The following PRDM11 variants were observed in gnomAD, a reference collection of about 807,000 sequenced individuals.
The protein encoded by PRDM11 is PR/SET domain 11.
Under a neutral mutation model 97.8 loss-of-function variants are expected in PRDM11, and 20 were observed. The observed-to-expected ratio is 0.20, with a 90% CI of 0.14 to 0.30. The LOEUF is 0.30. PRDM11 is among the 10% of genes least tolerant of loss of function. The pLI is 1.00. For missense variants in PRDM11, 1,139 were observed against 1,555.2 expected (o/e 0.73, Z 4.50); for synonymous variants, 599 against 637.7 (o/e 0.94, Z 0.91).
chr11:45,217,458 G>T (rs936321032), intron 5 of PRDM11, among the ~76,000 whole-genome samples: 2 of 152,218 alleles, frequency 1.3e-5, no homozygotes, highest in South Asian at 2.1e-4. Flanking sequence ...CCTAGGACAA[G>T]ATGCAAATTC....
chr11:45,123,585 CATTT>C (rs1721785252), intron 1 of PRDM11, among the ~76,000 whole-genome samples: 1 of 152,148 alleles, frequency 6.6e-6, no homozygotes. Flanking sequence ...TTCCCAGCAT[CATTT>C]ATTAAATAGG....
chr11:45,187,743 T>C (rs1247857982), intron 4 of PRDM11, among the ~76,000 whole-genome samples: 3 of 151,426 alleles, frequency 2.0e-5, no homozygotes, highest in Non-Finnish European at 2.9e-5. Flanking sequence ...ACCCAAGAGG[T>C]GAGAGACATT....
chr11:45,195,165 T>C (rs1319050384), intron 4 of PRDM11, among the ~76,000 whole-genome samples: 1 of 152,206 alleles, frequency 6.6e-6, no homozygotes, highest in Non-Finnish European at 1.5e-5. Flanking sequence ...CCTTGTTTGA[T>C]TGGTAACAAT....
Position 45,122,389 on chromosome 11 carries a change from T to C in PRDM11, c.96+26488T>C, listed in dbSNP as rs551497980. On this transcript the variant is annotated intron_variant, in intron 1 of 6. Coordinates refer to the PRDM11 transcript ENST00000530656. ...GAAGGTTTGTTACACATGTATACCA[T>C]GTATACATGTATACATGGTATACAT... Among the ~76,000 whole-genome samples the C allele has an allele frequency of 3.3e-5, 5 of 152,002 alleles. No homozygotes were observed. The East Asian group carries it at 5.8e-4, about 18-fold the overall frequency.
chr11:45,130,246 T>C (rs1321185582), intron 1 of PRDM11, among the ~76,000 whole-genome samples: 3 of 152,128 alleles, frequency 2.0e-5, no homozygotes, highest in African/African-American at 7.2e-5. Context: ...ACCAAAGCCA[T>C]TACCCATAAA....
upstream of PRDM11, among the ~76,000 whole-genome samples, chr11:45,094,927 A>G (rs1280233639): frequency 1.3e-5 from 2 of 149,650 alleles, no homozygotes; most frequent in Non-Finnish European, 3.0e-5. Flanking sequence ...GAAGGAAGGG[A>G]GGGAGATGAG....
intron 1 of PRDM11, among the ~76,000 whole-genome samples, chr11:45,133,007 T>C (rs1454935632): frequency 6.6e-6 from 1 of 152,150 alleles, no homozygotes; most frequent in Non-Finnish European, 1.5e-5. Flanking sequence ...CAAATTAAAG[T>C]AAAAGTCCTC....
intron 4 of PRDM11, among the ~76,000 whole-genome samples, chr11:45,196,948 C>T (rs1853143409): frequency 6.6e-6 from 1 of 152,168 alleles, no homozygotes; most frequent in South Asian, 2.1e-4. Context: ...GGAACACACC[C>T]CTATGAGTTG....
At chr11:45,129,373 C>T (rs1481971184) in intron 1 of PRDM11, among the ~76,000 whole-genome samples, 3 of 152,100 alleles carry the variant, frequency 2.0e-5, no homozygotes, top group Non-Finnish European at 4.4e-5. Context: ...TGCTCACATA[C>T]ATGGTGATGT....
chr11:45,095,899 AAAGT>A lies in PRDM11; in HGVS notation c.96+3_96+6del. ...ACCTCTCTTCCTTTACCAGAGAGAG[AAAGT>A]AAGTTGTTTAAGCTGCTAATGTGGG... On this transcript the variant is annotated splice_donor_variant and coding_sequence_variant, in exon 1 of 7. Coordinates refer to the PRDM11 transcript ENST00000530656. LOFTEE classifies it high-confidence loss of function. 1.3e-6 allele frequency: 1 copy of A among 781,008 alleles called. No individual in the cohort carries two copies. The highest frequency in any genetic ancestry group is 1.3e-5 in the South Asian group (1 of 74,610). 48.4% of individuals were successfully genotyped at this position (781,008 alleles called of 1,614,324 possible).
At chr11:45,095,919 C>A (rs375859951) in intron 1 of PRDM11, 1 of 780,436 alleles carries the variant, frequency 1.3e-6, no homozygotes. Context: ...GTTTAAGCTG[C>A]TAATGTGGGG....
Position 45,227,749 on chromosome 11 carries a change from C to G in PRDM11, c.3124C>G (p.Arg1042Gly), listed in dbSNP as rs1226468127. The G allele has an allele frequency of 2.6e-6, 4 of 1,533,798 alleles. No individual in the cohort carries two copies. In the Admixed American group the frequency reaches 5.9e-5, roughly 23 times the overall value. ...CCGGGGTAGTCTGTTGATGGAGTGG[C>G]GAGAACTCAAGGCTGATTACTACAC... ...DPRGSLLMEW[R>G]ELKADYYTKN... is the part of the protein sequence containing the mutation. Residue 1042 changes from arginine to glycine, a missense_variant, in exon 8 of 8, where the codon CGA becomes GGA. By Grantham distance (125) the Arg-to-Gly change is moderately radical. This residue lies in a region of PRDM11 where 710 missense variants were observed against 1,044.9 expected (regional missense o/e 0.68). Coordinates refer to ENST00000683152, the MANE Select transcript of PRDM11 (RefSeq NM_001384648.1). The surrounding 1 kb of genome is among the most constrained non-coding windows in gnomAD (Gnocchi z 8.0).
chr11:45,227,725 C>T lies in PRDM11; in HGVS notation c.3100C>T (p.Arg1034Trp). ...RDVCREGLDP[R>W]GSLLMEWREL... Reference sequence around the variant, plus strand: ...TGTCTGTAGGGAAGGGCTGGACCCCCGGGGTAGTCTGTTGATGGAGTGGCG... The same window carrying T: ...TGTCTGTAGGGAAGGGCTGGACCCCTGGGGTAGTCTGTTGATGGAGTGGCG... The change falls in exon 8 of 8, where the codon CGG becomes TGG. Residue 1034 changes from arginine (R) to tryptophan (W), a missense_variant. Physicochemically the swap from Arg to Trp is moderately radical, Grantham distance 101. Transcript: ENST00000683152. This position sits in a 1 kb window ranked among gnomAD's most constrained non-coding sequence, Gnocchi z 8.0. 1.3e-6 allele frequency: 2 copies of T among 1,533,878 alleles called. No homozygotes were observed. Among genetic ancestry groups the T allele is most frequent in the East Asian group, 2.4e-5 (1 of 40,908 alleles).
At chr11:45,168,844 T>G (rs548769518) in intron 1 of PRDM11, among the ~76,000 whole-genome samples, 2 of 152,358 alleles carry the variant, frequency 1.3e-5, no homozygotes, top group East Asian at 3.9e-4. Flanking sequence ...CAGCCGCCAC[T>G]TTGCCATCTG....
chr11:45,177,413 A>G (rs1037063058), intron 1 of PRDM11, among the ~76,000 whole-genome samples: 17 of 152,188 alleles, frequency 1.1e-4, no homozygotes, highest in Non-Finnish European at 1.9e-4. Context: ...TCTTCAGAAA[A>G]GGCAACAGGG....
rs985809681 is a variant in PRDM11, at chr11:45,227,362, G to A, written c.2737G>A (p.Glu913Lys). ...GGTGTCCCAGGTGGATGACAAGATC[G>A]AGGAGGCCATCCAGGAGATCAGCCG... ...LLVSQVDDKIEEAIQEISRLA... is the reference protein window; with the variant it reads ...LLVSQVDDKIKEAIQEISRLA... Residue 913 changes from glutamate (E) to lysine (K), a missense_variant, in exon 8 of 8, where the codon GAG (glutamate) becomes AAG (lysine). Glu to Lys is a moderately conservative substitution (Grantham distance 56). Coordinates refer to ENST00000683152, the MANE Select transcript of PRDM11 (RefSeq NM_001384648.1). This position sits in a 1 kb window ranked among gnomAD's most constrained non-coding sequence, Gnocchi z 8.0. 4.6e-6 allele frequency: 7 copies of A among 1,533,832 alleles called. No individual in the cohort carries two copies. The highest frequency in any genetic ancestry group is 2.7e-5 in the African/African-American group (2 of 72,974).
chr11:45,192,731 T>G (rs1852959460), intron 4 of PRDM11, among the ~76,000 whole-genome samples: 1 of 152,236 alleles, frequency 6.6e-6, no homozygotes, highest in Admixed American at 6.5e-5. Flanking sequence ...GTTACATTAA[T>G]TTTATTTTCA....
At chr11:45,166,716 C>A (rs1177794076) in intron 1 of PRDM11, among the ~76,000 whole-genome samples, 3 of 152,218 alleles carry the variant, frequency 2.0e-5, no homozygotes, top group Non-Finnish European at 4.4e-5. Context: ...ATGTAAAACA[C>A]CCGACACAGA....
chr11:45,105,148 T>A (rs558702944), intron 1 of PRDM11, among the ~76,000 whole-genome samples: 74 of 152,364 alleles, frequency 4.9e-4, no homozygotes, highest in Non-Finnish European at 8.1e-4. Context: ...TGCTGTATCT[T>A]CACAGAGTAT....
Sources: allele counts gnomAD v4.1 joint callset (sites outside exome capture counted in the v4.1 genomes callset), GRCh38; gene constraint gnomAD v4.1.1; regional missense constraint gnomAD v4.1.1; non-coding constraint Gnocchi (gnomAD v3.1); transcripts MANE v1.5; gene names NCBI Gene and HGNC (gene_info 2026-07-23, HGNC 2026-07-21).